The following ITGA9 variants were observed in gnomAD, a reference collection of about 807,000 sequenced individuals.
The protein encoded by ITGA9 is integrin subunit alpha 9.
In ITGA9, 56 loss-of-function variants were observed where a neutral mutation model predicts 127.8. The observed-to-expected ratio is 0.44, with a 90% CI of 0.35 to 0.55. The LOEUF is 0.55. Ranked by LOEUF, ITGA9 falls within the 20% of genes least tolerant of loss-of-function variation. ITGA9 has a pLI of 0.00. For missense variants in ITGA9, 1,196 were observed against 1,347.1 expected (o/e 0.89, Z 1.76); for synonymous variants, 508 against 514.5 (o/e 0.99, Z 0.17).
At chr3:37,722,145 ACTCTT>A (rs1701197000) in intron 18 of ITGA9, among the ~76,000 whole-genome samples, 1 of 41,482 alleles carries the variant, frequency 2.4e-5, no homozygotes, top group Admixed American at 2.6e-4. Context: ...TGCCAGGGAC[ACTCTT>A]CACTCTCCCT....
intron 15 of ITGA9, among the ~76,000 whole-genome samples, chr3:37,548,386 T>G (rs188337787): frequency 6.6e-6 from 1 of 152,180 alleles, no homozygotes; most frequent in Non-Finnish European, 1.5e-5. Context: ...TTGTAGCGGT[T>G]GTATGGTTGC....
chr3:37,764,863 A>G (rs916789938), intron 23 of ITGA9, among the ~76,000 whole-genome samples: 3 of 152,198 alleles, frequency 2.0e-5, no homozygotes, highest in Non-Finnish European at 4.4e-5. Flanking sequence ...TGCAGATCTG[A>G]GCCCAGAGTT....
At chr3:37,521,683 T>C (rs1699045309) in intron 11 of ITGA9, among the ~76,000 whole-genome samples, 1 of 152,238 alleles carries the variant, frequency 6.6e-6, no homozygotes, top group African/African-American at 2.4e-5. Context: ...CCCTTCGCTC[T>C]GCCCCTCGTC....
chr3:37,503,060 G>GA (rs1026503082), intron 5 of ITGA9, 118 bp from the exon 6 acceptor site: 24 of 1,152,514 alleles, frequency 2.1e-5, no homozygotes, highest in Non-Finnish European at 2.8e-5. Context: ...CTTAGCTGGG[G>GA]AAAAAAAAGT....
rs557722615 is a variant in ITGA9 at position 37,551,622 on chromosome 3, C to T, written c.1689+9037C>T. ...CCTTTGTCTTCTCCACCCATTCCCACGGCATCCATTCCTAAGGTCATTTGG... is the reference window on the plus strand; with the variant it reads ...CCTTTGTCTTCTCCACCCATTCCCATGGCATCCATTCCTAAGGTCATTTGG... On this transcript the variant is annotated intron_variant, in intron 15 of 27. Transcript: ENST00000264741. Among the ~76,000 whole-genome samples, 33 of 152,338 alleles carry T rather than the reference C, an allele frequency of 2.2e-4. No homozygotes were observed. The South Asian group carries it at 4.6e-3, about 21-fold the overall frequency.
At chr3:37,688,329 A>G (rs1700800268) in intron 18 of ITGA9, among the ~76,000 whole-genome samples, 1 of 152,252 alleles carries the variant, frequency 6.6e-6, no homozygotes, top group Non-Finnish European at 1.5e-5. Context: ...AAGTAGTTGA[A>G]TAAAAAGTGT....
At chr3:37,766,904 T>G (rs1696786600) in intron 23 of ITGA9, among the ~76,000 whole-genome samples, 2 of 152,260 alleles carry the variant, frequency 1.3e-5, no homozygotes, top group East Asian at 3.8e-4. Context: ...TCTCTCAGAC[T>G]ACTTCCCATC....
chr3:37,810,531 T>C (rs1697354522), intron 27 of ITGA9, among the ~76,000 whole-genome samples: 1 of 152,100 alleles, frequency 6.6e-6, no homozygotes, highest in Non-Finnish European at 1.5e-5. Flanking sequence ...TTCTCCTGCC[T>C]CAGCCTCCTG....
intron 15 of ITGA9, among the ~76,000 whole-genome samples, chr3:37,550,013 A>G (rs1408695932): frequency 6.6e-6 from 1 of 152,226 alleles, no homozygotes; most frequent in African/African-American, 2.4e-5. Context: ...AGCATTTAGT[A>G]TGTGCTGGTT....
At chr3:37,500,133 A>G (rs1226404662) in intron 5 of ITGA9, among the ~76,000 whole-genome samples, 1 of 152,236 alleles carries the variant, frequency 6.6e-6, no homozygotes, top group Non-Finnish European at 1.5e-5. Context: ...GCTCAAGGCC[A>G]GGAGAAAAAG....
chr3:37,787,675 C>T (rs1443578462), intron 26 of ITGA9, among the ~76,000 whole-genome samples: 3 of 152,082 alleles, frequency 2.0e-5, no homozygotes, highest in African/African-American at 2.4e-5. Context: ...CTTTTTAGAA[C>T]AAACACGATC....
intron 16 of ITGA9, among the ~76,000 whole-genome samples, chr3:37,652,193 T>A (rs1205375437): frequency 1.3e-5 from 2 of 152,020 alleles, no homozygotes; most frequent in Admixed American, 1.3e-4. Context: ...CCATGTCAGC[T>A]GGGGACCTCT....
chr3:37,466,302 GT>G (rs1265687626), intron 1 of ITGA9, among the ~76,000 whole-genome samples: 1 of 151,810 alleles, frequency 6.6e-6, no homozygotes, highest in Non-Finnish European at 1.5e-5. Context: ...TACCAATATG[GT>G]GAAACCCCAT....
intron 17 of ITGA9, among the ~76,000 whole-genome samples, chr3:37,678,145 T>C (rs1700700453): frequency 6.6e-6 from 1 of 152,226 alleles, no homozygotes; most frequent in African/African-American, 2.4e-5. Context: ...GGGGAACAAA[T>C]GTCTCTTTGA....
intron 3 of ITGA9, 132 bp from the exon 4 acceptor site, chr3:37,481,352 T>C (rs1396716191): frequency 3.4e-6 from 4 of 1,190,912 alleles, no homozygotes; most frequent in Non-Finnish European, 5.0e-6. Context: ...GTGCCTGTTA[T>C]GAAGGTGTGG....
chr3:37,698,416 C>CT (rs1553659307), intron 18 of ITGA9, among the ~76,000 whole-genome samples: 1 of 152,166 alleles, frequency 6.6e-6, no homozygotes, highest in Non-Finnish European at 1.5e-5. Flanking sequence ...TTGCCTATGC[C>CT]TATGTCCTGA....
chr3:37,788,437 T>C (rs368601124), intron 26 of ITGA9, among the ~76,000 whole-genome samples: 4 of 152,328 alleles, frequency 2.6e-5, no homozygotes, highest in African/African-American at 9.6e-5. Flanking sequence ...TCGTATTTGC[T>C]TGGTCCTTTG....
chr3:37,566,441 G>A (rs143778978), intron 15 of ITGA9, among the ~76,000 whole-genome samples: 14 of 152,242 alleles, frequency 9.2e-5, no homozygotes, highest in East Asian at 1.9e-4. Flanking sequence ...CCCTTTACCC[G>A]GCTTTTCCCA....
intron 15 of ITGA9, among the ~76,000 whole-genome samples, chr3:37,543,744 A>G (rs963483665): frequency 1.3e-5 from 2 of 152,200 alleles, no homozygotes; most frequent in Non-Finnish European, 2.9e-5. Context: ...TAGATGCTTC[A>G]GGGCTGTGTA....
Sources: allele counts gnomAD v4.1 joint callset (sites outside exome capture counted in the v4.1 genomes callset), GRCh38; gene constraint gnomAD v4.1.1; transcripts MANE v1.5; gene names NCBI Gene and HGNC (gene_info 2026-07-23, HGNC 2026-07-21).